The following SYN3 variants were observed in gnomAD, a reference collection of about 807,000 sequenced individuals.
SYN3 encodes the protein synapsin III.
Under a neutral mutation model 65.8 loss-of-function variants are expected in SYN3, and 35 were observed. The ratio of observed to expected loss-of-function variants is 0.53; its 90% CI spans 0.41 to 0.70. The LOEUF (loss-of-function observed/expected upper bound fraction) is 0.70. Among genes scored for constraint, SYN3 ranks in the 30% least tolerant of loss-of-function variants. The probability of loss-of-function intolerance (pLI) is 0.00; values close to 1 mark genes in which losing one functional copy is unlikely to be tolerated. For missense variants in SYN3, 680 were observed against 749.0 expected, an observed-to-expected ratio of 0.91 and a Z score of 1.08; for synonymous variants, 270 against 292.9, an observed-to-expected ratio of 0.92 and a Z score of 0.80.
At position 33,004,193 on chromosome 22, in the gene SYN3, A is replaced by G. The variant is rs113263830; in HGVS notation, c.311+2159T>C. Among the ~76,000 whole-genome samples the G allele has an allele frequency of 6.3e-3, 956 of 152,298 alleles. 7 individuals are homozygous for G. Among genetic ancestry groups the G allele is most frequent in the Middle Eastern group, 0.027 (8 of 294 alleles). The stretch of plus-strand genomic sequence containing the variant: ...GTGGGGATGGGAAATGTGGGGTTGG[A>G]GCCCCCACACAGAGTCCCCACTGTG... On this transcript the variant is annotated intron_variant, in intron 2 of 13. Transcript: ENST00000358763.
chr22:32,518,607 C>G, intron 12 of SYN3: 1 of 570,618 alleles, frequency 1.8e-6, no homozygotes, highest in Non-Finnish European at 3.2e-6. Flanking sequence ...AAATATTATA[C>G]TGCTGAACAA....
chr22:32,613,100 A>G (rs768983717), intron 6 of SYN3, among the ~76,000 whole-genome samples: 39 of 151,930 alleles, frequency 2.6e-4, no homozygotes, highest in Admixed American at 4.6e-4. Flanking sequence ...TCACCCTCCT[A>G]CCATGATTGT....
intron 3 of SYN3, among the ~76,000 whole-genome samples, chr22:32,979,951 G>A (rs2052324116): frequency 6.6e-6 from 1 of 152,118 alleles, no homozygotes; most frequent in South Asian, 2.1e-4. Context: ...GTGTTTGGCA[G>A]AGAGGAGGTC....
At chr22:33,007,185 G>C (rs1428755837) in intron 1 of SYN3, among the ~76,000 whole-genome samples, 1 of 152,166 alleles carries the variant, frequency 6.6e-6, no homozygotes, top group African/African-American at 2.4e-5. Context: ...TTTTAAAGGT[G>C]CCCTGAAGAA....
chr22:32,768,431 T>A lies in SYN3; in HGVS notation c.711+96484A>T, dbSNP rs377318120. 5.3e-5 allele frequency among the ~76,000 whole-genome samples: 8 copies of A among 152,324 alleles called. No homozygotes were observed. In the South Asian group the frequency reaches 1.7e-3, roughly 32 times the overall value. On this transcript the variant is annotated intron_variant, in intron 6 of 13. Coordinates refer to ENST00000358763, the MANE Select transcript of SYN3 (RefSeq NM_003490.4). ...TGCCCAACTCTCTTCTCTTTATATT[T>A]CTTTCCTGGGAGACCTCACCTACAT...
chr22:32,715,869 G>A (rs2061032245), intron 6 of SYN3, among the ~76,000 whole-genome samples: 1 of 151,664 alleles, frequency 6.6e-6, no homozygotes, highest in Admixed American at 6.6e-5. Flanking sequence ...ACATGAGACA[G>A]CACACACAAA....
chr22:32,533,760 C>T, intron 10 of SYN3, 33 bp downstream of exon 10: 1 of 1,522,984 alleles, frequency 6.6e-7, no homozygotes, highest in South Asian at 1.1e-5. Flanking sequence ...CCAGGCTGGA[C>T]CAGCCAGGAG....
chr22:32,897,888 C>T (rs1404191406), intron 4 of SYN3, among the ~76,000 whole-genome samples: 4 of 151,522 alleles, frequency 2.6e-5, no homozygotes, highest in Admixed American at 6.6e-5. Flanking sequence ...GGTGCGATCA[C>T]AGCTTGCTGC....
intron 7 of SYN3, among the ~76,000 whole-genome samples, chr22:32,582,504 C>T (rs2058963594): frequency 6.6e-6 from 1 of 151,934 alleles, no homozygotes; most frequent in Admixed American, 6.6e-5. Flanking sequence ...CACATGCTAC[C>T]ACAACCAGCT....
chr22:32,975,746 G>A (rs950616171), intron 3 of SYN3, among the ~76,000 whole-genome samples: 1 of 152,226 alleles, frequency 6.6e-6, no homozygotes, highest in Non-Finnish European at 1.5e-5. Context: ...AATTTCATAA[G>A]TCACTAGTAA....
chr22:32,793,135 A>G (rs1429308392), intron 6 of SYN3, among the ~76,000 whole-genome samples: 1 of 152,184 alleles, frequency 6.6e-6, no homozygotes, highest in Non-Finnish European at 1.5e-5. Context: ...CATCTTAGAA[A>G]CATTTTTCAG....
At chr22:33,035,638 G>A (rs1030894345) in intron 1 of SYN3, among the ~76,000 whole-genome samples, 5 of 152,168 alleles carry the variant, frequency 3.3e-5, no homozygotes, top group Non-Finnish European at 7.3e-5. Context: ...GAGTGCAGTA[G>A]CACGATCACA....
chr22:32,816,984 G>A (rs1240268123), intron 6 of SYN3, among the ~76,000 whole-genome samples: 1 of 151,932 alleles, frequency 6.6e-6, no homozygotes, highest in African/African-American at 2.4e-5. Context: ...TTGGGAGGCT[G>A]AGGCGAGAGG....
chr22:32,556,530 T>C (rs1315916803), intron 7 of SYN3, among the ~76,000 whole-genome samples: 3 of 152,160 alleles, frequency 2.0e-5, no homozygotes, highest in Non-Finnish European at 4.4e-5. Context: ...CCTTTGAAAA[T>C]TAAAAATATA....
At chr22:32,964,130 T>C (rs984557396) in intron 3 of SYN3, among the ~76,000 whole-genome samples, 37 of 151,390 alleles carry the variant, frequency 2.4e-4, no homozygotes, top group Non-Finnish European at 5.3e-4. Context: ...GGCTGTTGCT[T>C]AGGGAAGAAA....
chr22:32,572,912 C>T (rs1315660242), intron 7 of SYN3, among the ~76,000 whole-genome samples: 1 of 152,168 alleles, frequency 6.6e-6, no homozygotes, highest in Non-Finnish European at 1.5e-5. Context: ...CAGATGATAG[C>T]ATTCGAGGGG....
chr22:32,714,398 TTCTC>T (rs1447381434), intron 6 of SYN3, among the ~76,000 whole-genome samples: 1 of 152,132 alleles, frequency 6.6e-6, no homozygotes, highest in East Asian at 1.9e-4. Flanking sequence ...ATTTCAGTGG[TTCTC>T]AACCCTGGCT....
intron 6 of SYN3, among the ~76,000 whole-genome samples, chr22:32,828,994 C>T (rs955517380): frequency 1.3e-5 from 2 of 152,138 alleles, no homozygotes; most frequent in African/African-American, 2.4e-5. Context: ...GCCCCAGGAG[C>T]GGTCTTGAGG....
chr22:32,611,057 C>G (rs2059435550), intron 6 of SYN3, among the ~76,000 whole-genome samples: 1 of 152,178 alleles, frequency 6.6e-6, no homozygotes, highest in Non-Finnish European at 1.5e-5. Flanking sequence ...TCTAGGAAAT[C>G]TCAAGAATAT....
Sources: gnomAD v4.1 joint callset for allele counts (sites outside exome capture counted in the v4.1 genomes callset) on GRCh38, gnomAD v4.1.1 for gene constraint, MANE v1.5 for transcripts, NCBI Gene and HGNC (gene_info 2026-07-23, HGNC 2026-07-21) for gene names.